Variants in CYP7B1 observed in about 807,000 individuals in gnomAD.
The protein encoded by CYP7B1 is cytochrome P450 7B1.
Under a neutral mutation model 42.7 loss-of-function variants are expected in CYP7B1, and 29 were observed. The observed-to-expected ratio is 0.68, with a 90% CI of 0.51 to 0.93. The LOEUF is 0.93. CYP7B1 is among the 40% of genes least tolerant of loss of function. CYP7B1 has a pLI of 0.00. For missense variants in CYP7B1, 655 were observed against 600.5 expected (o/e 1.09, Z -0.95); for synonymous variants, 235 against 218.2 (o/e 1.08, Z -0.68).
At chr8:64,690,015 A>G (rs890403609) in intron 1 of CYP7B1, among the ~76,000 whole-genome samples, 1 of 152,222 alleles carries the variant, frequency 6.6e-6, no homozygotes, top group Non-Finnish European at 1.5e-5. Context: ...TTTTAAAAGA[A>G]TATTCCAATG....
intron 1 of CYP7B1, among the ~76,000 whole-genome samples, chr8:64,714,780 A>AT (rs34802379): frequency 0.29 from 43,760 of 151,766 alleles, 7,529 homozygotes; most frequent in African/African-American, 0.48. Flanking sequence ...TGATGGTGAG[A>AT]TTTTTTTTTA....
chr8:64,667,725 CTG>C (rs1218327700), intron 1 of CYP7B1, among the ~76,000 whole-genome samples: 1 of 152,114 alleles, frequency 6.6e-6, no homozygotes, highest in Non-Finnish European at 1.5e-5. Flanking sequence ...TGCAAAATAT[CTG>C]TGATGGGAAA....
At chr8:64,677,911 A>C (rs765002496) in intron 1 of CYP7B1, among the ~76,000 whole-genome samples, 7 of 151,986 alleles carry the variant, frequency 4.6e-5, no homozygotes, top group Admixed American at 1.3e-4. Context: ...ATTGCTGTTC[A>C]TGGTTTCCTC....
chr8:64,728,985 C>G (rs1280812271), intron 1 of CYP7B1: 1 of 152,088 alleles, frequency 6.6e-6, no homozygotes. Context: ...ATGGCAAAAC[C>G]CCATCTCTAT....
At chr8:64,606,135 T>C (rs1000064592) in intron 4 of CYP7B1, among the ~76,000 whole-genome samples, 1 of 152,176 alleles carries the variant, frequency 6.6e-6, no homozygotes, top group Non-Finnish European at 1.5e-5. Context: ...GGTGATTCAA[T>C]GTGACGTACA....
chr8:64,662,331 A>G lies in CYP7B1; in HGVS notation c.123-37792T>C, dbSNP rs541824189. 2.0e-5 allele frequency among the ~76,000 whole-genome samples: 3 copies of G among 152,254 alleles called. No homozygotes were observed. The South Asian group carries it at 6.2e-4, about 32-fold the overall frequency. On this transcript the variant is annotated intron_variant, in intron 1 of 5. Coordinates refer to ENST00000310193, the MANE Select transcript of CYP7B1 (RefSeq NM_004820.5). ...TGGGTGACAGCAAGAGACCGCCTCT[A>G]TAAAAAATGATAATGCATAAAAATA...
chr8:64,597,316 G>A (rs966113816), intron 5 of CYP7B1, among the ~76,000 whole-genome samples: 6 of 152,136 alleles, frequency 3.9e-5, no homozygotes, highest in East Asian at 1.9e-4. Flanking sequence ...ATTGTTACCC[G>A]GGTCTGATGA....
intron 1 of CYP7B1, among the ~76,000 whole-genome samples, chr8:64,645,857 T>C (rs1220247877): frequency 3.3e-5 from 5 of 151,968 alleles, no homozygotes; most frequent in Admixed American, 1.3e-4. Context: ...GAGATATAGA[T>C]CAATGGAACA....
At chr8:64,646,095 C>G (rs1032002814) in intron 1 of CYP7B1, among the ~76,000 whole-genome samples, 7 of 152,082 alleles carry the variant, frequency 4.6e-5, no homozygotes, top group African/African-American at 1.7e-4. Flanking sequence ...CCACAAAAAC[C>G]CTAGAAGAAA....
intron 4 of CYP7B1, among the ~76,000 whole-genome samples, chr8:64,611,357 G>A (rs1227871130): frequency 6.6e-6 from 1 of 152,140 alleles, no homozygotes; most frequent in Non-Finnish European, 1.5e-5. Flanking sequence ...CTGTCCTCCA[G>A]AGTATCCTGG....
Position 64,615,011 on chromosome 8 carries a change from A to G in CYP7B1, c.1057+15T>C. The G allele has an allele frequency of 1.3e-5, 21 of 1,613,166 alleles. No individual in the cohort carries two copies. Among genetic ancestry groups the G allele is most frequent in the Non-Finnish European group, 1.8e-5 (21 of 1,179,328 alleles). The stretch of plus-strand genomic sequence containing the variant: ...AGGTACCTTCTTTTCTTCATAACAG[A>G]TAAAAATAAATTACCTAGGCAGATT... On this transcript the variant is annotated intron_variant, in intron 4 of 5. Coordinates refer to ENST00000310193, the MANE Select transcript of CYP7B1 (RefSeq NM_004820.5).
chr8:64,757,520 T>C (rs1186211349), intron 1 of CYP7B1, among the ~76,000 whole-genome samples: 1 of 152,148 alleles, frequency 6.6e-6, no homozygotes, highest in Non-Finnish European at 1.5e-5. Context: ...CTTTATAAGG[T>C]TCATGGAGAC....
chr8:64,711,600 C>A (rs1360977498), intron 1 of CYP7B1, among the ~76,000 whole-genome samples: 1 of 152,186 alleles, frequency 6.6e-6, no homozygotes, highest in African/African-American at 2.4e-5. Context: ...CTGTGTCTGA[C>A]TCAACTTTCA....
At chr8:64,705,069 T>G (rs1342405780) in intron 1 of CYP7B1, among the ~76,000 whole-genome samples, 2 of 151,968 alleles carry the variant, frequency 1.3e-5, no homozygotes, top group African/African-American at 4.8e-5. Context: ...TTTCAGTCAT[T>G]CCCAGCTCTG....
In CYP7B1 at chr8:64,616,085, T is replaced by G; in HGVS notation, c.456A>C (p.Ile152=). Reference sequence around the variant, plus strand: ...GATTCTGCATCATGCTTTCCAAGAGTATGTCCAAAGATTTGCCTTGCAAAA... The same window carrying G: ...GATTCTGCATCATGCTTTCCAAGAGGATGTCCAAAGATTTGCCTTGCAAAA... ...YQFLQGKSLD[I]LLESMMQNLK... is the part of the protein sequence containing the mutation. The change falls in exon 3 of 6, where the codon ATA becomes ATC. Residue 152 remains isoleucine (I), a synonymous_variant. Transcript: ENST00000310193. 3.1e-6 allele frequency: 5 copies of G among 1,613,708 alleles called. No homozygotes were observed. The highest frequency in any genetic ancestry group is 4.2e-6 in the Non-Finnish European group (5 of 1,179,796).
intron 1 of CYP7B1, among the ~76,000 whole-genome samples, chr8:64,736,134 A>G (rs1807483731): frequency 6.6e-6 from 1 of 152,300 alleles, no homozygotes; most frequent in Non-Finnish European, 1.5e-5. Context: ...CATCCCTATT[A>G]TGGAAATAAA....
chr8:64,758,373 C>A (rs1807837560), intron 1 of CYP7B1, among the ~76,000 whole-genome samples: 1 of 152,166 alleles, frequency 6.6e-6, no homozygotes, highest in Admixed American at 6.5e-5. Context: ...AGATAAAATT[C>A]ATTTGCTATC....
At chr8:64,655,342 T>C (rs1806105612) in intron 1 of CYP7B1, among the ~76,000 whole-genome samples, 3 of 151,854 alleles carry the variant, frequency 2.0e-5, no homozygotes, top group Non-Finnish European at 2.9e-5. Flanking sequence ...TAAATGACCC[T>C]ATTAAAAAGT....
At chr8:64,696,412 CTA>C (rs920440586) in intron 1 of CYP7B1, among the ~76,000 whole-genome samples, 3 of 152,084 alleles carry the variant, frequency 2.0e-5, no homozygotes, top group African/African-American at 4.8e-5. Context: ...TATGTGGAAA[CTA>C]TAAACTGCAA....
Sources: allele counts gnomAD v4.1 joint callset (sites outside exome capture counted in the v4.1 genomes callset), GRCh38; gene constraint gnomAD v4.1.1; transcripts MANE v1.5; gene names NCBI Gene and HGNC (gene_info 2026-07-23, HGNC 2026-07-21).